CAST: variants seen among roughly 807,000 people sequenced by gnomAD.
The protein encoded by CAST is MIR583 host.
CAST carries 76 observed loss-of-function variants against 119.6 expected under a neutral mutation model. The ratio of observed to expected loss-of-function variants is 0.64; its 90% CI spans 0.53 to 0.77. The LOEUF (loss-of-function observed/expected upper bound fraction) is 0.77. Among genes scored for constraint, CAST ranks in the 30% least tolerant of loss-of-function variants. The probability of loss-of-function intolerance (pLI) is 0.00; values close to 1 mark genes in which losing one functional copy is unlikely to be tolerated. For missense variants in CAST, 953 were observed against 946.5 expected (o/e 1.01, Z -0.09); for synonymous variants, 319 against 331.6 (o/e 0.96, Z 0.41).
At chr5:96,079,203 C>T in the CAST span, 36 of 438,812 alleles carry the variant, frequency 8.2e-5, no homozygotes, top group Admixed American at 4.8e-4. Flanking sequence ...CTGGGACCTA[C>T]CTCTTTGGTA....
At chr5:96,114,618 T>A in the CAST span, among the ~76,000 whole-genome samples, 1 of 152,194 alleles carries the variant, frequency 6.6e-6, no homozygotes. Flanking sequence ...GAACCACATG[T>A]TAAGAAACCT....
chr5:96,475,488 A>C, the CAST span, among the ~76,000 whole-genome samples: 1 of 152,200 alleles, frequency 6.6e-6, no homozygotes, highest in Non-Finnish European at 1.5e-5. Flanking sequence ...TTGATGTTTT[A>C]GCAGCTTTCA....
At chr5:96,393,063 A>G in the CAST span, 1 of 1,614,036 alleles carries the variant, frequency 6.2e-7, no homozygotes, top group South Asian at 1.1e-5. Context: ...CTGTGCTTGT[A>G]AGGTTTAGTG....
chr5:96,547,395 T>C (rs1746037935), intron 1 of CAST, among the ~76,000 whole-genome samples: 1 of 152,200 alleles, frequency 6.6e-6, no homozygotes, highest in South Asian at 2.1e-4. Flanking sequence ...TCCTTGACTC[T>C]GAAGGCCCAA....
At chr5:96,017,179 C>G in the CAST span, among the ~76,000 whole-genome samples, 3 of 152,134 alleles carry the variant, frequency 2.0e-5, no homozygotes, top group Non-Finnish European at 4.4e-5. Context: ...CACGGCTGGA[C>G]CTCTGACAAA....
the CAST span, among the ~76,000 whole-genome samples, chr5:96,030,939 A>G: frequency 1.3e-5 from 2 of 152,124 alleles, no homozygotes; most frequent in Non-Finnish European, 1.5e-5. Context: ...AGTTTACTCA[A>G]TTAGAACTTG....
At chr5:96,272,888 TAAAA>T in the CAST span, among the ~76,000 whole-genome samples, 3 of 152,132 alleles carry the variant, frequency 2.0e-5, no homozygotes, top group East Asian at 5.8e-4. Context: ...TATATATCAA[TAAAA>T]AAATAAAGAG....
chr5:96,759,597 G>A (rs1767245508), intron 24 of CAST, among the ~76,000 whole-genome samples: 1 of 151,892 alleles, frequency 6.6e-6, no homozygotes, highest in African/African-American at 2.4e-5. Flanking sequence ...GTAGCAATAA[G>A]CATACCAGGA....
the CAST span, among the ~76,000 whole-genome samples, chr5:96,251,492 C>T: frequency 1.3e-5 from 2 of 152,036 alleles, no homozygotes; most frequent in African/African-American, 4.8e-5. Context: ...TGAGATTCCT[C>T]CCTCCCCTAC....
the CAST span, chr5:96,397,443 T>A: frequency 6.2e-7 from 1 of 1,613,382 alleles, no homozygotes; most frequent in Non-Finnish European, 8.5e-7. Context: ...TCCCGTTCTC[T>A]TTCAGCCAAG....
intron 1 of CAST, 128 bp from the exon 2 acceptor site, chr5:96,675,411 G>A (rs1031917139): frequency 1.6e-6 from 1 of 642,386 alleles, no homozygotes. Flanking sequence ...TGAATTACCA[G>A]CATTCTCAGG....
chr5:96,743,718 G>A (rs1466247610), intron 16 of CAST: 12 of 1,609,200 alleles, frequency 7.5e-6, no homozygotes, highest in Non-Finnish European at 8.5e-6. Flanking sequence ...AGAGGAGCAA[G>A]AGAAGCAGTT....
intron 1 of CAST, among the ~76,000 whole-genome samples, chr5:96,618,045 T>C (rs779452795): frequency 6.6e-6 from 1 of 152,020 alleles, no homozygotes; most frequent in Non-Finnish European, 1.5e-5. Flanking sequence ...GGGTGTTAAC[T>C]GAGGGGGGCC....
chr5:96,590,640 G>A (rs1746946108), intron 1 of CAST, among the ~76,000 whole-genome samples: 2 of 152,296 alleles, frequency 1.3e-5, no homozygotes, highest in South Asian at 2.1e-4. Flanking sequence ...GAACCAGAGG[G>A]GAAAAGTAAA....
chr5:96,048,281 A>G, the CAST span, among the ~76,000 whole-genome samples: 1 of 152,200 alleles, frequency 6.6e-6, no homozygotes, highest in Non-Finnish European at 1.5e-5. Context: ...AAAAGGCCAG[A>G]GTAAATTCTC....
chr5:96,368,776 C>A, the CAST span, among the ~76,000 whole-genome samples: 2 of 152,056 alleles, frequency 1.3e-5, no homozygotes, highest in Admixed American at 6.5e-5. Flanking sequence ...TATTACTTTT[C>A]TGAAAAGTTT....
chr5:96,730,701 G>C (rs1013132691), intron 8 of CAST, 79 bp from the exon 9 acceptor site: 18 of 1,035,648 alleles, frequency 1.7e-5, no homozygotes, highest in African/African-American at 9.4e-5. Flanking sequence ...AGATGTTAGT[G>C]ACATTTGAAA....
chr5:95,966,461 C>A, the CAST span, among the ~76,000 whole-genome samples: 3 of 152,290 alleles, frequency 2.0e-5, no homozygotes, highest in Non-Finnish European at 2.9e-5. Flanking sequence ...CTGGGGCTGG[C>A]AGCCTCTGCT....
intron 2 of CAST, among the ~76,000 whole-genome samples, chr5:96,683,002 C>T (rs566300144): frequency 5.9e-5 from 9 of 152,246 alleles, no homozygotes; most frequent in Non-Finnish European, 8.8e-5. Context: ...CTCCACTGAA[C>T]GCACCAGATT....
Sources: allele counts gnomAD v4.1 joint callset (sites outside exome capture counted in the v4.1 genomes callset), GRCh38; gene constraint gnomAD v4.1.1; transcripts MANE v1.5; gene names NCBI Gene and HGNC (gene_info 2026-07-23, HGNC 2026-07-21).